PDZRN3: variants seen among roughly 807,000 people sequenced by gnomAD.
The protein encoded by PDZRN3 is E3 ubiquitin-protein ligase PDZRN3.
PDZRN3 carries 38 observed loss-of-function variants against 85.7 expected under a neutral mutation model. The ratio of observed to expected loss-of-function variants is 0.44; its 90% CI spans 0.34 to 0.58. The LOEUF (loss-of-function observed/expected upper bound fraction) is 0.58. Among genes scored for constraint, PDZRN3 ranks in the 20% least tolerant of loss-of-function variants. The pLI is 0.01. For synonymous variants in PDZRN3, 759 were observed against 638.0 expected, an observed-to-expected ratio of 1.19 and a Z score of -2.86; for missense variants, 1,629 against 1,506.4, an observed-to-expected ratio of 1.08 and a Z score of -1.35.
intron 3 of PDZRN3, among the ~76,000 whole-genome samples, chr3:73,418,461 C>T (rs1702135720): frequency 6.6e-6 from 1 of 152,158 alleles, no homozygotes; most frequent in Non-Finnish European, 1.5e-5. Flanking sequence ...ACCTCAATTT[C>T]CTTACCTGTA....
rs947329368 is a variant in PDZRN3, at chr3:73,382,584, T to G, written c.*781A>C. 1 of 152,656 alleles carries G rather than the reference T, an allele frequency of 6.6e-6. No individual in the cohort carries two copies. The highest frequency in any genetic ancestry group is 2.4e-5 in the African/African-American group (1 of 41,450). The allele number at this position is 152,656 out of a possible 1,614,324, so 9.5% of individuals were successfully genotyped here. ...GAACTTGCCTGTATAAGTCTGTACC[T>G]TCAAATCTACAAAGCAAAAGTTTAC... On this transcript the variant is annotated 3_prime_UTR_variant, in exon 10 of 10. Coordinates refer to ENST00000263666, the MANE Select transcript of PDZRN3 (RefSeq NM_015009.3).
chr3:73,400,161 T>C (rs553702466), intron 5 of PDZRN3, among the ~76,000 whole-genome samples: 197 of 152,342 alleles, frequency 1.3e-3, no homozygotes, highest in Non-Finnish European at 2.2e-3. Context: ...TTTACCTTAT[T>C]CCATAAAATC....
intron 3 of PDZRN3, among the ~76,000 whole-genome samples, chr3:73,514,298 T>C (rs1185128520): frequency 6.6e-6 from 1 of 152,248 alleles, no homozygotes; most frequent in Non-Finnish European, 1.5e-5. Flanking sequence ...TCTTCAGGGT[T>C]AAGGCAGGTC....
At chr3:73,553,817 C>T (rs545017667) in intron 3 of PDZRN3, among the ~76,000 whole-genome samples, 120 of 152,162 alleles carry the variant, frequency 7.9e-4, no homozygotes, top group African/African-American at 2.7e-3. Flanking sequence ...AAAGTAGTGG[C>T]GGCATCTGGA....
chr3:73,529,305 G>A (rs887080535), intron 3 of PDZRN3, among the ~76,000 whole-genome samples: 1 of 152,168 alleles, frequency 6.6e-6, no homozygotes, highest in African/African-American at 2.4e-5. Flanking sequence ...CTTGCCACTG[G>A]CCATGTGCTT....
intron 3 of PDZRN3, among the ~76,000 whole-genome samples, chr3:73,475,881 C>T (rs1703439087): frequency 6.6e-6 from 1 of 152,246 alleles, no homozygotes; most frequent in South Asian, 2.1e-4. Flanking sequence ...TTAGAAGCCA[C>T]AGGAAACACC....
intron 3 of PDZRN3, among the ~76,000 whole-genome samples, chr3:73,558,854 G>A (rs1302722615): frequency 1.3e-5 from 2 of 152,200 alleles, no homozygotes; most frequent in African/African-American, 4.8e-5. Flanking sequence ...TGCAAGCCAG[G>A]AACAGCCCAG....
chr3:73,456,926 A>T (rs1702989641), intron 3 of PDZRN3, among the ~76,000 whole-genome samples: 1 of 148,052 alleles, frequency 6.8e-6, no homozygotes, highest in Non-Finnish European at 1.5e-5. Context: ...TCTCTCCAGA[A>T]GGGGAGTAGG....
chr3:73,611,549 T>C (rs976250807), intron 1 of PDZRN3, among the ~76,000 whole-genome samples: 5 of 152,216 alleles, frequency 3.3e-5, no homozygotes, highest in African/African-American at 4.8e-5. Context: ...TTAGGCTGCA[T>C]TGCCTATTTT....
chr3:73,441,167 C>A (rs1702627842), intron 3 of PDZRN3, among the ~76,000 whole-genome samples: 1 of 152,092 alleles, frequency 6.6e-6, no homozygotes, highest in South Asian at 2.1e-4. Flanking sequence ...GTAATCCCAG[C>A]ACTTTGGGAG....
intron 3 of PDZRN3, among the ~76,000 whole-genome samples, chr3:73,446,485 C>T (rs1702750783): frequency 1.3e-5 from 2 of 152,140 alleles, no homozygotes; most frequent in Admixed American, 1.3e-4. Flanking sequence ...CTTATAAGGA[C>T]ATTTAAAAAC....
intron 3 of PDZRN3, among the ~76,000 whole-genome samples, chr3:73,549,193 T>A (rs1701495635): frequency 6.6e-6 from 1 of 152,238 alleles, no homozygotes; most frequent in Admixed American, 6.5e-5. Context: ...AATTGCAGAA[T>A]AACGAGTGCT....
intron 3 of PDZRN3, among the ~76,000 whole-genome samples, chr3:73,529,923 TG>T (rs1559724291): frequency 6.6e-6 from 1 of 152,220 alleles, no homozygotes; most frequent in African/African-American, 2.4e-5. Context: ...ATAGGATGGT[TG>T]TAAAAATTAT....
intron 3 of PDZRN3, among the ~76,000 whole-genome samples, chr3:73,479,973 C>G (rs1030824090): frequency 6.7e-6 from 1 of 148,924 alleles, no homozygotes; most frequent in African/African-American, 2.4e-5. Flanking sequence ...AATACAGATA[C>G]AGGCACCAGG....
At chr3:73,430,711 T>C (rs1352158596) in intron 3 of PDZRN3, among the ~76,000 whole-genome samples, 2 of 152,170 alleles carry the variant, frequency 1.3e-5, no homozygotes, top group African/African-American at 2.4e-5. Flanking sequence ...CCCCAACACC[T>C]GGTAACCACC....
chr3:73,565,717 C>T (rs931730838), intron 3 of PDZRN3, among the ~76,000 whole-genome samples: 130 of 151,708 alleles, frequency 8.6e-4, no homozygotes, highest in Non-Finnish European at 1.6e-3. Flanking sequence ...GCGGGTGGAT[C>T]ACCTGAGGTC....
chr3:73,603,923 T>C (rs1022471660), intron 2 of PDZRN3, among the ~76,000 whole-genome samples: 2 of 150,954 alleles, frequency 1.3e-5, no homozygotes, highest in African/African-American at 2.5e-5. Context: ...TAAAATGTTA[T>C]ATGATTCACC....
rs977202307 is a variant in PDZRN3, at chr3:73,400,930, C to T, written c.1246G>A (p.Glu416Lys). The change falls in exon 5 of 10, where the codon GAG becomes AAG. Residue 416 changes from glutamate (E) to lysine (K), a missense_variant. Coordinates refer to ENST00000263666, the MANE Select transcript of PDZRN3 (RefSeq NM_015009.3). ...AAGGATGTTCTTCATACCTCCAGCT[C>T]CAGCTCCTCCCTGTCCATCTCCTGA... ...IHQEMDREEL[E>K]LEEVDLYRMN... 2 of 1,610,242 alleles carry T rather than the reference C, an allele frequency of 1.2e-6. No individual in the cohort carries two copies. Among genetic ancestry groups the T allele is most frequent in the Non-Finnish European group, 1.7e-6 (2 of 1,176,568 alleles).
Position 73,383,315 on chromosome 3 carries a change from C to T in PDZRN3, c.*50G>A. 6.6e-7 allele frequency: 1 copy of T among 1,513,916 alleles called. No individual in the cohort carries two copies. Among genetic ancestry groups the T allele is most frequent in the Non-Finnish European group, 8.9e-7 (1 of 1,125,276 alleles). The allele number at this position is 1,513,916 out of a possible 1,614,324, so 93.8% of individuals were successfully genotyped here. On this transcript the variant is annotated 3_prime_UTR_variant, in exon 10 of 10. Coordinates refer to ENST00000263666, the MANE Select transcript of PDZRN3 (RefSeq NM_015009.3). ...GCCGCATTGAACGAGGCAGGAATTTCTACCCCAGTGGTAGTGGTCTCCTTT... is the reference window on the plus strand; with the variant it reads ...GCCGCATTGAACGAGGCAGGAATTTTTACCCCAGTGGTAGTGGTCTCCTTT...
Sources: gnomAD v4.1 joint callset for allele counts (sites outside exome capture counted in the v4.1 genomes callset) on GRCh38, gnomAD v4.1.1 for gene constraint, MANE v1.5 for transcripts, NCBI Gene and HGNC (gene_info 2026-07-23, HGNC 2026-07-21) for gene names.